The following TECRL variants were observed in gnomAD, a reference collection of about 807,000 sequenced individuals.
TECRL encodes the protein trans-2,3-enoyl-CoA reductase like.
Under a neutral mutation model 52.8 loss-of-function variants are expected in TECRL, and 63 were observed. That is an observed-to-expected ratio of 1.19 (90% CI 0.97 to 1.47). The LOEUF is 1.47. Among genes scored for constraint, TECRL ranks in the 40% most tolerant of loss-of-function variants. TECRL has a pLI of 0.00. For synonymous variants in TECRL, 164 were observed against 141.9 expected (o/e 1.16, Z -1.10); for missense variants, 482 against 429.6 (o/e 1.12, Z -1.08).
intron 2 of TECRL, among the ~76,000 whole-genome samples, chr4:64,374,060 T>TATATATAGTAGATAC (rs1722187775): frequency 7.3e-6 from 1 of 137,446 alleles, no homozygotes; most frequent in Non-Finnish European, 1.6e-5. Context: ...TACATATATA[T>TATATATAGTAGATAC]ATATATATAT....
At chr4:64,379,253 C>CACACACACACACACACACACAT (rs1553919826) in intron 1 of TECRL, among the ~76,000 whole-genome samples, 155 of 37,606 alleles carry the variant, frequency 4.1e-3, no homozygotes, top group African/African-American at 0.01. Flanking sequence ...CACATACACA[C>CACACACACACACACACACACAT]ACACACACAC....
intron 2 of TECRL, among the ~76,000 whole-genome samples, chr4:64,368,261 C>G (rs116144396): frequency 0.021 from 3,066 of 143,548 alleles, 102 homozygotes; most frequent in African/African-American, 0.075. Context: ...TGACAAGGCT[C>G]ATAACTGTTT....
Position 64,408,154 on chromosome 4 carries a change from A to T in TECRL, c.234+964T>A, listed in dbSNP as rs531866888. On this transcript the variant is annotated intron_variant, in intron 1 of 11. Transcript: ENST00000381210. The stretch of plus-strand genomic sequence containing the variant: ...TGTTATAATTACTGAATAAGAAATT[A>T]TATATTATGTGCTTGGCAATTATTA... 1.4e-3 allele frequency among the ~76,000 whole-genome samples: 217 copies of T among 151,940 alleles called. 1 individual carries two copies. Among genetic ancestry groups the T allele is most frequent in the African/African-American group, 5.1e-3 (213 of 41,570 alleles).
intron 8 of TECRL, among the ~76,000 whole-genome samples, chr4:64,294,018 G>T (rs992171209): frequency 1.3e-5 from 2 of 150,204 alleles, no homozygotes; most frequent in African/African-American, 4.9e-5. Context: ...ACGGAATCTT[G>T]CTCTGATACT....
intron 8 of TECRL, among the ~76,000 whole-genome samples, chr4:64,290,265 G>A (rs1279724264): frequency 6.6e-6 from 1 of 151,958 alleles, no homozygotes; most frequent in Non-Finnish European, 1.5e-5. Flanking sequence ...CTGTCATCAT[G>A]ACCTCTTGAT....
chr4:64,391,879 C>T (rs1020182187), intron 1 of TECRL, among the ~76,000 whole-genome samples: 1 of 151,846 alleles, frequency 6.6e-6, no homozygotes, highest in Admixed American at 6.6e-5. Context: ...GTCTTTGTTA[C>T]AGGTTCTTCT....
intron 2 of TECRL, among the ~76,000 whole-genome samples, chr4:64,368,222 A>T (rs1256590584): frequency 6.7e-6 from 1 of 148,450 alleles, no homozygotes; most frequent in African/African-American, 2.6e-5. Flanking sequence ...ATAATTTGGC[A>T]AATTACCCTA....
intron 2 of TECRL, among the ~76,000 whole-genome samples, chr4:64,328,980 C>T (rs1325915289): frequency 6.6e-6 from 1 of 151,920 alleles, no homozygotes; most frequent in East Asian, 1.9e-4. Flanking sequence ...GTTATTTTCT[C>T]TATCAAGAGT....
intron 2 of TECRL, among the ~76,000 whole-genome samples, chr4:64,348,225 C>T (rs761382837): frequency 1.9e-4 from 29 of 151,924 alleles, no homozygotes; most frequent in African/African-American, 6.5e-4. Context: ...AAGGCAAAGA[C>T]GAAGCAAGGA....
intron 3 of TECRL, among the ~76,000 whole-genome samples, chr4:64,326,910 A>C (rs1485162867): frequency 6.6e-6 from 1 of 152,140 alleles, no homozygotes; most frequent in Non-Finnish European, 1.5e-5. Context: ...AAATGTATAA[A>C]TATTAAGACC....
At chr4:64,328,588 GAA>G in intron 2 of TECRL, 32 bp from the exon 3 acceptor site, 1 of 1,589,712 alleles carries the variant, frequency 6.3e-7, no homozygotes, top group East Asian at 2.2e-5. Context: ...TTAATTGTCA[GAA>G]AAAGTGTAAC....
At chr4:64,392,560 G>A (rs1187376696) in intron 1 of TECRL, among the ~76,000 whole-genome samples, 1 of 151,796 alleles carries the variant, frequency 6.6e-6, no homozygotes, top group East Asian at 1.9e-4. Flanking sequence ...CCAAGCATTT[G>A]GGGAGAAAAC....
At chr4:64,317,702 T>A (rs1161709060) in intron 4 of TECRL, among the ~76,000 whole-genome samples, 2 of 152,152 alleles carry the variant, frequency 1.3e-5, no homozygotes, top group African/African-American at 4.8e-5. Context: ...ATAATGGAGA[T>A]TTCTATTCTA....
At chr4:64,350,905 AT>A (rs1720344287) in intron 2 of TECRL, among the ~76,000 whole-genome samples, 1 of 151,188 alleles carries the variant, frequency 6.6e-6, no homozygotes, top group South Asian at 2.1e-4. Context: ...GAAATCAGTG[AT>A]TTTAACTAAT....
At chr4:64,330,695 G>A (rs1395395974) in intron 2 of TECRL, among the ~76,000 whole-genome samples, 2 of 151,862 alleles carry the variant, frequency 1.3e-5, no homozygotes, top group Non-Finnish European at 2.9e-5. Context: ...AATAACAAAG[G>A]TGAATATCAC....
chr4:64,330,441 G>A (rs1422989363), intron 2 of TECRL, among the ~76,000 whole-genome samples: 4 of 152,130 alleles, frequency 2.6e-5, no homozygotes, highest in Middle Eastern at 3.4e-3. Flanking sequence ...ATAGCCCATA[G>A]GGTGGTGTTA....
intron 4 of TECRL, among the ~76,000 whole-genome samples, chr4:64,317,293 A>C (rs1377758617): frequency 6.6e-6 from 1 of 152,152 alleles, no homozygotes; most frequent in Non-Finnish European, 1.5e-5. Flanking sequence ...AAAAAAGAAA[A>C]AAAGAAAAAG....
At position 64,330,258 on chromosome 4, in the gene TECRL, A is replaced by G. The variant is rs1033189827; in HGVS notation, c.287-1702T>C. 2.6e-5 allele frequency among the ~76,000 whole-genome samples: 4 copies of G among 152,222 alleles called. No homozygotes were observed. In the East Asian group the frequency reaches 5.8e-4, roughly 22 times the overall value. ...AACCTGCCAATTTATTTTCTGAAATATGAACACTAAAATGAATTGAATGTT... is the reference window on the plus strand; with the variant it reads ...AACCTGCCAATTTATTTTCTGAAATGTGAACACTAAAATGAATTGAATGTT... On this transcript the variant is annotated intron_variant, in intron 2 of 11. Coordinates refer to ENST00000381210, the MANE Select transcript of TECRL (RefSeq NM_001010874.5).
At chr4:64,321,865 C>T (rs1395746931) in intron 4 of TECRL, among the ~76,000 whole-genome samples, 2 of 152,108 alleles carry the variant, frequency 1.3e-5, no homozygotes, top group African/African-American at 4.8e-5. Flanking sequence ...GTTTGTTTCT[C>T]TGCCTGAGAA....
Sources: allele counts gnomAD v4.1 joint callset (sites outside exome capture counted in the v4.1 genomes callset), GRCh38; gene constraint gnomAD v4.1.1; transcripts MANE v1.5; gene names NCBI Gene and HGNC (gene_info 2026-07-23, HGNC 2026-07-21).